The following HYCC1 variants were observed in gnomAD, a reference collection of about 807,000 sequenced individuals.
HYCC1 encodes hyccin.
the HYCC1 span, among the ~76,000 whole-genome samples, chr7:22,930,755 G>A: frequency 6.6e-6 from 1 of 151,980 alleles, no homozygotes; most frequent in South Asian, 2.1e-4. Flanking sequence ...AACATAAAAA[G>A]AATTTTTATG....
the HYCC1 span, chr7:22,978,404 A>G: frequency 5.0e-6 from 8 of 1,613,836 alleles, no homozygotes; most frequent in Non-Finnish European, 5.9e-6. Context: ...GCTCCTCTCC[A>G]CTGCGATAGA....
the HYCC1 span, among the ~76,000 whole-genome samples, chr7:22,997,099 T>C: frequency 6.6e-6 from 1 of 152,176 alleles, no homozygotes; most frequent in African/African-American, 2.4e-5. Context: ...ATTTTTTATA[T>C]TTTCAATGTA....
At chr7:23,000,663 A>T in the HYCC1 span, among the ~76,000 whole-genome samples, 4 of 152,138 alleles carry the variant, frequency 2.6e-5, no homozygotes, top group African/African-American at 9.7e-5. Context: ...CCTCCTCCAC[A>T]TCAATGCTGG....
At chr7:22,984,531 G>A in the HYCC1 span, among the ~76,000 whole-genome samples, 1 of 152,000 alleles carries the variant, frequency 6.6e-6, no homozygotes, top group African/African-American at 2.4e-5. Context: ...ACCAGCCTGG[G>A]CAATATAGTG....
the HYCC1 span, among the ~76,000 whole-genome samples, chr7:23,004,970 T>A: frequency 6.6e-6 from 1 of 152,126 alleles, no homozygotes; most frequent in Non-Finnish European, 1.5e-5. Flanking sequence ...CATGCCCGGC[T>A]AATTTTTTGT....
the HYCC1 span, among the ~76,000 whole-genome samples, chr7:22,977,054 AC>A: frequency 2.1e-5 from 1 of 48,118 alleles, no homozygotes; most frequent in Non-Finnish European, 4.1e-5. Context: ...CCCACCCACC[AC>A]CCCCCTGCCC....
chr7:22,906,841 A>T, the HYCC1 span, among the ~76,000 whole-genome samples: 57 of 152,254 alleles, frequency 3.7e-4, no homozygotes, highest in African/African-American at 1.2e-3. Context: ...TCTTTAATAC[A>T]TGTACAATCT....
At chr7:22,910,874 C>CA in the HYCC1 span, among the ~76,000 whole-genome samples, 18 of 148,398 alleles carry the variant, frequency 1.2e-4, no homozygotes, top group African/African-American at 2.2e-4. Flanking sequence ...TATGTTCACT[C>CA]AAAAAAAAAA....
the HYCC1 span, among the ~76,000 whole-genome samples, chr7:22,913,973 G>A: frequency 6.6e-6 from 1 of 152,152 alleles, no homozygotes; most frequent in Non-Finnish European, 1.5e-5. Flanking sequence ...TTCAAATTGG[G>A]TAAGCAGTCT....
chr7:22,938,574 T>TAGTG, the HYCC1 span: 1 of 152,196 alleles, frequency 6.6e-6, no homozygotes, highest in Admixed American at 6.6e-5. Context: ...AGTTGGTGTG[T>TAGTG]AGTGCTGTAT....
chr7:22,923,609 G>C, the HYCC1 span, among the ~76,000 whole-genome samples: 1 of 151,878 alleles, frequency 6.6e-6, no homozygotes, highest in Non-Finnish European at 1.5e-5. Context: ...CAAAAAAGAA[G>C]TTTATCTTTC....
chr7:22,983,852 A>C, the HYCC1 span: 1 of 771,912 alleles, frequency 1.3e-6, no homozygotes, highest in Non-Finnish European at 2.3e-6. Flanking sequence ...AAACATATAC[A>C]TTTTCTTACC....
chr7:22,952,114 G>C, the HYCC1 span, among the ~76,000 whole-genome samples: 3 of 151,734 alleles, frequency 2.0e-5, no homozygotes, highest in Non-Finnish European at 2.9e-5. Flanking sequence ...TTAGATGCTG[G>C]GGATACAACA....
the HYCC1 span, chr7:22,976,782 C>T: frequency 2.5e-6 from 4 of 1,612,698 alleles, no homozygotes; most frequent in Non-Finnish European, 3.4e-6. Context: ...CACTCTCAGT[C>T]AGAGCCATGG....
chr7:22,951,527 C>T, the HYCC1 span, among the ~76,000 whole-genome samples: 1 of 151,750 alleles, frequency 6.6e-6, no homozygotes, highest in Non-Finnish European at 1.5e-5. Flanking sequence ...CAAAGTCATA[C>T]ACATTCTTTT....
the HYCC1 span, among the ~76,000 whole-genome samples, chr7:22,993,269 G>A: frequency 1.3e-5 from 2 of 152,154 alleles, no homozygotes; most frequent in Non-Finnish European, 2.9e-5. Flanking sequence ...AGATCTAATT[G>A]TGAACAGTAA....
chr7:23,006,298 G>A, the HYCC1 span, among the ~76,000 whole-genome samples: 1 of 151,334 alleles, frequency 6.6e-6, no homozygotes, highest in Non-Finnish European at 1.5e-5. Context: ...ATGGAGTCTC[G>A]CTCTGTGGCC....
chr7:22,932,748 A>T, the HYCC1 span, among the ~76,000 whole-genome samples: 2 of 152,274 alleles, frequency 1.3e-5, no homozygotes, highest in South Asian at 2.1e-4. Context: ...TGTGGGATGA[A>T]TGTGAATTTT....
the HYCC1 span, among the ~76,000 whole-genome samples, chr7:23,006,379 G>A: frequency 6.6e-6 from 1 of 151,772 alleles, no homozygotes; most frequent in Non-Finnish European, 1.5e-5. Context: ...CCATTCTCCC[G>A]CCTCAGCCTC....
Sources: gnomAD v4.1 joint callset for allele counts (sites outside exome capture counted in the v4.1 genomes callset) on GRCh38, gnomAD v4.1.1 for gene constraint, MANE v1.5 for transcripts, NCBI Gene and HGNC (gene_info 2026-07-23, HGNC 2026-07-21) for gene names.